PPP2R1A: variants seen among roughly 807,000 people sequenced by gnomAD.
The protein encoded by PPP2R1A is serine/threonine-protein phosphatase 2A 65 kDa regulatory subunit A alpha isoform.
A neutral mutation model predicts 67.1 loss-of-function variants in PPP2R1A; 15 were observed. The observed-to-expected ratio is 0.22, with a 90% CI of 0.15 to 0.34. The LOEUF (loss-of-function observed/expected upper bound fraction) is 0.34, where lower values mean the gene tolerates loss of function less well. Ranked by LOEUF, PPP2R1A falls within the 10% of genes least tolerant of loss-of-function variation. The pLI is 1.00. For missense variants in PPP2R1A, 369 were observed against 775.0 expected (o/e 0.48, Z 6.22); for synonymous variants, 337 against 325.0 (o/e 1.04, Z -0.40).
chr19:52,203,836 CT>C (rs2089575949), intron 2 of PPP2R1A, among the ~76,000 whole-genome samples: 1 of 152,168 alleles, frequency 6.6e-6, no homozygotes, highest in Non-Finnish European at 1.5e-5. Context: ...CCACGACCCC[CT>C]CTTTGGGTTT....
rs1182805798 is a variant in PPP2R1A at position 52,226,691 on chromosome 19, T to G, written c.*710T>G. 1.2e-5 allele frequency: 2 copies of G among 169,632 alleles called. No homozygotes were observed. Among genetic ancestry groups the G allele is most frequent in the East Asian group, 2.3e-4 (2 of 8,794 alleles). 10.5% of individuals were successfully genotyped at this position (169,632 alleles called of 1,614,324 possible). A position where few individuals can be genotyped will look rare whatever the true frequency, so the allele number is the denominator to read the frequency against. The stretch of plus-strand genomic sequence containing the variant: ...AAGAGCAGGTGCCTTGGAACCAGAC[T>G]GCCTGGGTCCAAATTGTGGCTCCTT... On this transcript the variant is annotated 3_prime_UTR_variant, in exon 15 of 15. Coordinates refer to ENST00000322088, the MANE Select transcript of PPP2R1A (RefSeq NM_014225.6).
At chr19:52,191,672 TCTC>T (rs1190852532) in intron 1 of PPP2R1A, among the ~76,000 whole-genome samples, 1 of 152,190 alleles carries the variant, frequency 6.6e-6, no homozygotes, top group African/African-American at 2.4e-5. Context: ...TGTTTCCTCT[TCTC>T]TTTAATGGGG....
chr19:52,228,102 T>C lies in PPP2R1A; in HGVS notation c.*2121T>C, dbSNP rs1390554556. 2 of 152,228 alleles carry C rather than the reference T, an allele frequency of 1.3e-5. No individual in the cohort carries two copies. The highest frequency in any genetic ancestry group is 2.9e-5 in the Non-Finnish European group (2 of 68,062). The allele number at this position is 152,228 out of a possible 1,614,324, so 9.4% of individuals were successfully genotyped here. A position where few individuals can be genotyped will look rare whatever the true frequency, so the allele number is the denominator to read the frequency against. On this transcript the variant is annotated 3_prime_UTR_variant, in exon 15 of 15. Transcript: ENST00000322088. ...CGTGGGTCTAGGGCTGAGGATGTGCTATGGCTCAGAGGTGGGGTCTACAAT... is the reference window on the plus strand; with the variant it reads ...CGTGGGTCTAGGGCTGAGGATGTGCCATGGCTCAGAGGTGGGGTCTACAAT...
At chr19:52,199,474 A>G (rs1306177961) in intron 1 of PPP2R1A, among the ~76,000 whole-genome samples, 1 of 152,106 alleles carries the variant, frequency 6.6e-6, no homozygotes, top group Non-Finnish European at 1.5e-5. Context: ...TGGCCTCCCC[A>G]CAGTATTTTA....
At chr19:52,198,183 A>C (rs2089513441) in intron 1 of PPP2R1A, among the ~76,000 whole-genome samples, 1 of 152,220 alleles carries the variant, frequency 6.6e-6, no homozygotes, top group South Asian at 2.1e-4. Context: ...GAAAGGTACA[A>C]GGATTGCCCA....
At position 52,194,088 on chromosome 19, in the gene PPP2R1A, C is replaced by CAAAAAAAAAAAA. The variant is rs915576804; in HGVS notation, c.78+3927_78+3938dup. 1.6e-3 allele frequency among the ~76,000 whole-genome samples: 94 copies of CAAAAAAAAAAAA among 60,420 alleles called. 1 individual carries two copies. The highest frequency in any genetic ancestry group is 2.0e-3 in the Non-Finnish European group (66 of 32,896). The allele number at this position is 60,420 out of a possible 152,430, so 39.6% of individuals were successfully genotyped here. On this transcript the variant is annotated intron_variant, in intron 1 of 14. Coordinates refer to ENST00000322088, the MANE Select transcript of PPP2R1A (RefSeq NM_014225.6). ...CTGGGCGACAGCAAGACCCTGTCTCCAAAAAAAAAAAAAAAAAAAAAAAAG... is the reference window on the plus strand; with the variant it reads ...CTGGGCGACAGCAAGACCCTGTCTCCAAAAAAAAAAAAAAAAAAAAAAAAAAAAAAAAAAAAG...
intron 3 of PPP2R1A, among the ~76,000 whole-genome samples, chr19:52,206,830 C>G (rs1160456239): frequency 1.3e-5 from 2 of 152,156 alleles, no homozygotes. Flanking sequence ...TCACTGTTCT[C>G]AGAGTGCTGG....
intron 6 of PPP2R1A, among the ~76,000 whole-genome samples, chr19:52,214,042 G>T (rs915082700): frequency 6.6e-6 from 1 of 152,284 alleles, no homozygotes; most frequent in South Asian, 2.1e-4. Context: ...ACAGGTGTGG[G>T]ACAGACAGAC....
chr19:52,215,563 C>T (rs10404236), intron 6 of PPP2R1A, among the ~76,000 whole-genome samples: 24,266 of 152,144 alleles, frequency 0.16, 2,453 homozygotes, highest in African/African-American at 0.29. Context: ...TAGGTGCCCT[C>T]GCAGTCCTCA....
chr19:52,207,987 T>C (rs1036340190), intron 3 of PPP2R1A, among the ~76,000 whole-genome samples: 4 of 152,048 alleles, frequency 2.6e-5, no homozygotes, highest in Admixed American at 6.6e-5. Context: ...TTTTGACAGG[T>C]TATAAGAAAT....
rs1438339243 is a variant in PPP2R1A at position 52,227,186 on chromosome 19, C to G, written c.*1205C>G. Reference sequence around the variant, plus strand: ...AAATTCTAGCCAAAAAGATGTTGAACAGAAGTGGTATATGCAGCTTCTAGG... The same window carrying G: ...AAATTCTAGCCAAAAAGATGTTGAAGAGAAGTGGTATATGCAGCTTCTAGG... On this transcript the variant is annotated 3_prime_UTR_variant, in exon 15 of 15. Coordinates refer to ENST00000322088, the MANE Select transcript of PPP2R1A (RefSeq NM_014225.6). 2 of 152,178 alleles carry G rather than the reference C, an allele frequency of 1.3e-5. No homozygotes were observed. The highest frequency in any genetic ancestry group is 1.9e-4 in the East Asian group (1 of 5,196). 9.4% of individuals were successfully genotyped at this position (152,178 alleles called of 1,614,324 possible). A position where few individuals can be genotyped will look rare whatever the true frequency, so the allele number is the denominator to read the frequency against.
At position 52,202,038 on chromosome 19, in the gene PPP2R1A, A is replaced by G; in HGVS notation, c.169+4A>G. Reference sequence around the variant, plus strand: ...GAGCTTCTGCCTTTCCTTACAGGTAACAAAGGGGACCCCTGGGGCCCAGAT... The same window carrying G: ...GAGCTTCTGCCTTTCCTTACAGGTAGCAAAGGGGACCCCTGGGGCCCAGAT... On this transcript the variant is annotated splice_donor_region_variant and intron_variant, in intron 2 of 14. Coordinates refer to ENST00000322088, the MANE Select transcript of PPP2R1A (RefSeq NM_014225.6). The G allele has an allele frequency of 6.2e-7, 1 of 1,613,598 alleles. No homozygotes were observed. Among genetic ancestry groups the G allele is most frequent in the African/African-American group, 1.3e-5 (1 of 75,050 alleles).
chr19:52,216,627 C>T lies in PPP2R1A; in HGVS notation c.1092C>T (p.His364=), dbSNP rs759195182. The T allele has an allele frequency of 4.3e-6, 7 of 1,614,176 alleles. No homozygotes were observed. The East Asian group carries it at 1.1e-4, about 26-fold the overall frequency. Residue 364 remains histidine, a synonymous_variant, in exon 9 of 15, where the codon CAC becomes CAT. Transcript: ENST00000322088. The surrounding 1 kb of genome is among the most constrained non-coding windows in gnomAD (Gnocchi z 4.3). ...TGGGCAAAGACAACACCATCGAGCACCTCTTGCCCCTCTTCCTGGCTCAGC... is the reference window on the plus strand; with the variant it reads ...TGGGCAAAGACAACACCATCGAGCATCTCTTGCCCCTCTTCCTGGCTCAGC... The part of the protein sequence containing the change: ...PILGKDNTIE[H]LLPLFLAQLK...
At position 52,213,476 on chromosome 19, in the gene PPP2R1A, T is replaced by TG. The variant is rs2089696409; in HGVS notation, c.807+366_807+367insG. Among the ~76,000 whole-genome samples, 1 of 123,976 alleles carries TG rather than the reference T, an allele frequency of 8.1e-6. No homozygotes were observed. The highest frequency in any genetic ancestry group is 7.7e-5 in the Admixed American group (1 of 13,046). 81.3% of individuals were successfully genotyped at this position (123,976 alleles called of 152,430 possible). A position where few individuals can be genotyped will look rare whatever the true frequency, so the allele number is the denominator to read the frequency against. ...TTTGGTGTTTTTTTTTTTTTTTTTT[T>TG]TTTTTTTTTTTAAGATGGAGTCTGT... On this transcript the variant is annotated intron_variant, in intron 6 of 14. Transcript: ENST00000322088. This position sits in a 1 kb window ranked among gnomAD's most constrained non-coding sequence, Gnocchi z 4.2.
Position 52,206,047 on chromosome 19 carries a change from A to G in PPP2R1A, c.254A>G (p.Tyr85Cys). The G allele has an allele frequency of 1.9e-6, 3 of 1,614,110 alleles. No homozygotes were observed. The highest frequency in any genetic ancestry group is 1.7e-6 in the Non-Finnish European group (2 of 1,179,944). The change falls in exon 3 of 15, where the codon TAC becomes TGC. Residue 85 changes from tyrosine to cysteine, a missense_variant. Coordinates refer to ENST00000322088, the MANE Select transcript of PPP2R1A (RefSeq NM_014225.6). The part of the protein sequence containing the change: ...TFTTLVGGPE[Y>C]VHCLLPPLES... ...ACTACCCTGGTGGGAGGCCCAGAGT[A>G]CGTGCACTGCCTGCTGGTGAGTGGA...
At chr19:52,197,153 T>TA (rs777583342) in intron 1 of PPP2R1A, among the ~76,000 whole-genome samples, 7 of 152,326 alleles carry the variant, frequency 4.6e-5, no homozygotes, top group South Asian at 4.1e-4. Context: ...ACCTTTAACT[T>TA]ACATTTAACT....
intron 13 of PPP2R1A, among the ~76,000 whole-genome samples, chr19:52,223,897 T>A (rs1373135698): frequency 6.6e-6 from 1 of 152,186 alleles, no homozygotes; most frequent in Non-Finnish European, 1.5e-5. Context: ...ATGAGTGCTG[T>A]TTCTGTCAGA....
intron 13 of PPP2R1A, among the ~76,000 whole-genome samples, chr19:52,222,806 G>A (rs1979020702): frequency 6.6e-6 from 1 of 152,222 alleles, no homozygotes; most frequent in Non-Finnish European, 1.5e-5. Context: ...GAATCCAGGA[G>A]GTGGAGGTTG....
At chr19:52,195,843 C>T (rs2089492495) in intron 1 of PPP2R1A, among the ~76,000 whole-genome samples, 1 of 152,174 alleles carries the variant, frequency 6.6e-6, no homozygotes, top group African/African-American at 2.4e-5. Context: ...TTCCCAGGCC[C>T]TGTCCTTTTG....
Sources: allele counts gnomAD v4.1 joint callset (sites outside exome capture counted in the v4.1 genomes callset), GRCh38; gene constraint gnomAD v4.1.1; non-coding constraint Gnocchi (gnomAD v3.1); transcripts MANE v1.5; gene names NCBI Gene and HGNC (gene_info 2026-07-23, HGNC 2026-07-21).